The following PDE1A variants were observed in gnomAD, a reference collection of about 807,000 sequenced individuals.
PDE1A encodes the protein dual specificity calcium/calmodulin-dependent 3',5'-cyclic nucleotide phosphodiesterase 1A.
PDE1A carries 35 observed loss-of-function variants against 61.7 expected under a neutral mutation model. The ratio of observed to expected loss-of-function variants is 0.57; its 90% CI spans 0.43 to 0.75. The LOEUF (loss-of-function observed/expected upper bound fraction) is 0.75, where lower values mean the gene tolerates loss of function less well. PDE1A is among the 30% of genes least tolerant of loss of function. PDE1A has a pLI of 0.00. For synonymous variants in PDE1A, 232 were observed against 213.2 expected, an observed-to-expected ratio of 1.09 and a Z score of -0.77; for missense variants, 597 against 630.6, an observed-to-expected ratio of 0.95 and a Z score of 0.57.
chr2:182,521,964 A>C (rs1690594433), intron 2 of PDE1A, among the ~76,000 whole-genome samples: 1 of 152,124 alleles, frequency 6.6e-6, no homozygotes, highest in African/African-American at 2.4e-5. Context: ...GTATCCCGGC[A>C]AATGGCTTTC....
chr2:182,426,840 G>A (rs994808514), exon 1 of PDE1A: 24 of 1,383,324 alleles, frequency 1.7e-5, no homozygotes, highest in Non-Finnish European at 2.1e-5. Flanking sequence ...AGGCACGTTG[G>A]GGCACTCCCC....
At position 182,501,518 on chromosome 2, in the gene PDE1A, T is replaced by A. The variant is rs78099665; in HGVS notation, c.101+20758A>T. Among the ~76,000 whole-genome samples the A allele has an allele frequency of 3.7e-3, 571 of 152,340 alleles. 4 individuals are homozygous for A. Among genetic ancestry groups the A allele is most frequent in the African/African-American group, 0.013 (521 of 41,578 alleles). ...CTTCTGTTTTGAAGAGAAAGCCTCC[T>A]AATGAAATGTAAAGGTGCTCACAGA... On this transcript the variant is annotated intron_variant, in intron 2 of 14. Coordinates refer to the PDE1A transcript ENST00000410103.
the PDE1A span, among the ~76,000 whole-genome samples, chr2:182,566,469 A>G: frequency 1.3e-5 from 2 of 151,576 alleles, no homozygotes; most frequent in East Asian, 3.9e-4. Context: ...TTCCAAATAT[A>G]TATGATTTAA....
chr2:182,647,896 G>A, the PDE1A span, among the ~76,000 whole-genome samples: 2 of 150,662 alleles, frequency 1.3e-5, no homozygotes, highest in African/African-American at 5.0e-5. Flanking sequence ...AAAAGGGAGA[G>A]AAAGATGCCC....
At chr2:182,504,232 T>G (rs1279137326) in intron 2 of PDE1A, among the ~76,000 whole-genome samples, 1 of 152,212 alleles carries the variant, frequency 6.6e-6, no homozygotes, top group African/African-American at 2.4e-5. Context: ...TGAGCTGAAT[T>G]TCTCTTTCTA....
chr2:182,394,802 G>T (rs1403842246), intron 1 of PDE1A, among the ~76,000 whole-genome samples: 1 of 152,170 alleles, frequency 6.6e-6, no homozygotes, highest in Non-Finnish European at 1.5e-5. Flanking sequence ...GACTTGTAGG[G>T]TGAGGGCTAC....
chr2:182,468,729 AGC>A (rs1686831974), intron 2 of PDE1A, among the ~76,000 whole-genome samples: 1 of 152,000 alleles, frequency 6.6e-6, no homozygotes, highest in African/African-American at 2.4e-5. Flanking sequence ...TGGCAACTAT[AGC>A]CTCATGAAAT....
chr2:182,671,789 T>G, the PDE1A span, among the ~76,000 whole-genome samples: 1 of 100,764 alleles, frequency 9.9e-6, no homozygotes, highest in Admixed American at 9.0e-5. Flanking sequence ...CCGGCTAATT[T>G]TTTGTATTTT....
chr2:182,578,994 CTCTT>C, the PDE1A span, among the ~76,000 whole-genome samples: 1 of 152,088 alleles, frequency 6.6e-6, no homozygotes, highest in Non-Finnish European at 1.5e-5. Flanking sequence ...GGAGTTGCTT[CTCTT>C]TCTTTTTCCT....
the PDE1A span, among the ~76,000 whole-genome samples, chr2:182,556,604 C>A: frequency 6.6e-6 from 1 of 152,066 alleles, no homozygotes; most frequent in South Asian, 2.1e-4. Flanking sequence ...AGCAATGAGT[C>A]CAATGAGCCC....
intron 7 of PDE1A, among the ~76,000 whole-genome samples, chr2:182,212,029 C>CTGCATA (rs1221431532): frequency 1.3e-5 from 2 of 151,950 alleles, no homozygotes; most frequent in Non-Finnish European, 2.9e-5. Flanking sequence ...GTATTGCATA[C>CTGCATA]TTCCAGTATG....
chr2:182,158,098 G>C (rs1166099809), intron 13 of PDE1A, among the ~76,000 whole-genome samples: 1 of 152,222 alleles, frequency 6.6e-6, no homozygotes, highest in Non-Finnish European at 1.5e-5. Flanking sequence ...TATGTGGAGA[G>C]AGCTAGCTTC....
At chr2:182,342,439 C>T (rs1340269971) in intron 1 of PDE1A, among the ~76,000 whole-genome samples, 3 of 152,096 alleles carry the variant, frequency 2.0e-5, no homozygotes, top group Non-Finnish European at 2.9e-5. Context: ...ATCCCAGCAC[C>T]TTGGGAGGCA....
intron 1 of PDE1A, among the ~76,000 whole-genome samples, chr2:182,377,787 G>A (rs73045405): frequency 3.0e-4 from 45 of 151,622 alleles, no homozygotes; most frequent in African/African-American, 8.2e-4. Flanking sequence ...TAAACCACAC[G>A]TCCACAAATG....
At chr2:182,159,362 C>T (rs2125293563) in intron 13 of PDE1A, among the ~76,000 whole-genome samples, 1 of 152,208 alleles carries the variant, frequency 6.6e-6, no homozygotes, top group Admixed American at 6.5e-5. Context: ...AATTCCATTG[C>T]TTGATTTACT....
intron 1 of PDE1A, among the ~76,000 whole-genome samples, chr2:182,296,520 A>G (rs1472149800): frequency 6.6e-6 from 1 of 152,226 alleles, no homozygotes; most frequent in Non-Finnish European, 1.5e-5. Context: ...CGATATAGAT[A>G]TAGACCTTTC....
chr2:182,420,574 G>A (rs11891890), intron 1 of PDE1A, among the ~76,000 whole-genome samples: 8,749 of 152,146 alleles, frequency 0.058, 817 homozygotes, highest in African/African-American at 0.2. Context: ...AACTTTTCAA[G>A]CCTATAAGCA....
At chr2:182,426,861 G>A in exon 1 of PDE1A, 2 of 1,324,382 alleles carry the variant, frequency 1.5e-6, no homozygotes, top group Non-Finnish European at 9.6e-7. Context: ...CACAGAGCAG[G>A]GTGTGCAAAA....
chr2:182,403,802 GCAGGGGAA>G (rs1702150151), intron 1 of PDE1A, among the ~76,000 whole-genome samples: 1 of 151,850 alleles, frequency 6.6e-6, no homozygotes, highest in Non-Finnish European at 1.5e-5. Context: ...ATGGAAACAG[GCAGGGGAA>G]CATCACACAC....
Sources: gnomAD v4.1 joint callset for allele counts (sites outside exome capture counted in the v4.1 genomes callset) on GRCh38, gnomAD v4.1.1 for gene constraint, MANE v1.5 for transcripts, NCBI Gene and HGNC (gene_info 2026-07-23, HGNC 2026-07-21) for gene names.